SLC15A3: variants seen among roughly 807,000 people sequenced by gnomAD.
SLC15A3 encodes the protein solute carrier family 15 member 3, also known as osteoclast transporter.
SLC15A3 carries 39 observed loss-of-function variants against 49.2 expected under a neutral mutation model. That is an observed-to-expected ratio of 0.79 (90% CI 0.61 to 1.04). SLC15A3 has a LOEUF of 1.04. SLC15A3 is among the 50% of genes least tolerant of loss of function. The pLI is 0.00. For synonymous variants in SLC15A3, 339 were observed against 367.0 expected, an observed-to-expected ratio of 0.92 and a Z score of 0.87; for missense variants, 758 against 794.8, an observed-to-expected ratio of 0.95 and a Z score of 0.56.
Position 60,946,389 on chromosome 11 carries a change from C to G in SLC15A3, c.848+143G>C, listed in dbSNP as rs554872005. The G allele has an allele frequency of 1.4e-3, 1,343 of 938,064 alleles. 2 individuals carry two copies. Among genetic ancestry groups the G allele is most frequent in the Non-Finnish European group, 1.9e-3 (1,223 of 652,330 alleles). 58.1% of individuals were successfully genotyped at this position (938,064 alleles called of 1,614,324 possible). On this transcript the variant is annotated intron_variant, in intron 2 of 7. Transcript: ENST00000227880. ...CCATCCTCAGTCACAGCGGGCAGCT[C>G]TGGCCCACTGGAGAGCAGATCATCA...
At position 60,941,122 on chromosome 11, in the gene SLC15A3, C is replaced by G. The variant is rs1856701604; in HGVS notation, c.1276G>C (p.Gly426Arg). Reference sequence around the variant, plus strand: ...CCCTGCCCCACACCCCTCTGCACACCTGCCACAATGACGGAGGTAAAACCA... The same window carrying G: ...CCCTGCCCCACACCCCTCTGCACACGTGCCACAATGACGGAGGTAAAACCA... ...FFGFTSVIVA[G>R]VLEMERLHYI... The change falls in exon 5 of 8, where the codon GGA becomes CGA. Residue 426 changes from glycine (G) to arginine (R), a missense_variant and splice_region_variant. Around this residue, in one of 3 missense-constraint regions of SLC15A3, gnomAD observed 699 missense variants for 706.7 expected, o/e 0.99. Coordinates refer to ENST00000227880, the MANE Select transcript of SLC15A3 (RefSeq NM_016582.3). 6.2e-7 allele frequency: 1 copy of G among 1,612,408 alleles called. No individual in the cohort carries two copies. Among genetic ancestry groups the G allele is most frequent in the African/African-American group, 1.3e-5 (1 of 74,922 alleles).
In SLC15A3 at chr11:60,943,747, AG is replaced by A; in HGVS notation, c.937del (p.Leu313TrpfsTer2). ...CACCATGACGGGCAAGATCTTCACC[AG>A]CACCTGGAAGTTGGCGATGTCCTCT... The part of the protein sequence containing the change: ...PQEDIANFQV[L>X]VKILPVMVTL... On this transcript the variant is annotated frameshift_variant, in exon 3 of 8. Coordinates refer to ENST00000227880, the MANE Select transcript of SLC15A3 (RefSeq NM_016582.3). LOFTEE classifies it high-confidence loss of function. 6.2e-7 allele frequency: 1 copy of A among 1,605,900 alleles called. No individual in the cohort carries two copies. Among genetic ancestry groups the A allele is most frequent in the South Asian group, 1.1e-5 (1 of 89,510 alleles).
rs1321244529 is a variant in SLC15A3 at position 60,942,112 on chromosome 11, G to C, written c.1030C>G (p.Leu344Val). Reference protein sequence around the residue: ...QSTYVLQGLHLHIPNIFPANP... With the variant: ...QSTYVLQGLHVHIPNIFPANP... ...GCTGGGAAAATGTTTGGGATGTGGA[G>C]GTGAAGACCCTGCAGGACATAGGTG... The change falls in exon 4 of 8, where the codon CTC becomes GTC. Residue 344 changes from leucine (L) to valine (V), a missense_variant. Physicochemically the swap from Leu to Val is conservative, Grantham distance 32. Coordinates refer to ENST00000227880, the MANE Select transcript of SLC15A3 (RefSeq NM_016582.3). 6.2e-7 allele frequency: 1 copy of C among 1,614,112 alleles called. No homozygotes were observed. Among genetic ancestry groups the C allele is most frequent in the Non-Finnish European group, 8.5e-7 (1 of 1,179,982 alleles).
chr11:60,937,686 A>C, intron 7 of SLC15A3, 184 bp downstream of exon 7: 1 of 776,510 alleles, frequency 1.3e-6, no homozygotes, highest in Non-Finnish European at 2.0e-6. Flanking sequence ...ACACTTGGGG[A>C]AAGAAAGGCC....
At chr11:60,947,194 T>A (rs1335245076) in intron 1 of SLC15A3, among the ~76,000 whole-genome samples, 1 of 152,192 alleles carries the variant, frequency 6.6e-6, no homozygotes, top group Non-Finnish European at 1.5e-5. Context: ...TTATTTTTTT[T>A]TTTTTGAGAC....
At chr11:60,947,982 C>T (rs1028613663) in intron 1 of SLC15A3, among the ~76,000 whole-genome samples, 3 of 152,208 alleles carry the variant, frequency 2.0e-5, no homozygotes, top group Non-Finnish European at 4.4e-5. Flanking sequence ...AAATACTTCT[C>T]TACATTGCTA....
chr11:60,942,082 G>C lies in SLC15A3; in HGVS notation c.1060C>G (p.Pro354Ala), dbSNP rs538378649. The C allele has an allele frequency of 6.2e-7, 1 of 1,614,020 alleles. No homozygotes were observed. Among genetic ancestry groups the C allele is most frequent in the African/African-American group, 1.3e-5 (1 of 74,912 alleles). ...LHIPNIFPAN[P>A]ANISVALRAQ... Reference sequence around the variant, plus strand: ...CTCAGGGCCACAGAGATGTTGGCCGGGTTGGCTGGGAAAATGTTTGGGATG... The same window carrying C: ...CTCAGGGCCACAGAGATGTTGGCCGCGTTGGCTGGGAAAATGTTTGGGATG... The change falls in exon 4 of 8, where the codon CCG becomes GCG. Residue 354 changes from proline to alanine, a missense_variant. By Grantham distance (27) the Pro-to-Ala change is conservative. Around this residue, in one of 3 missense-constraint regions of SLC15A3, gnomAD observed 699 missense variants for 706.7 expected, o/e 0.99. Coordinates refer to ENST00000227880, the MANE Select transcript of SLC15A3 (RefSeq NM_016582.3).
chr11:60,944,841 A>G (rs1856778667), intron 2 of SLC15A3, among the ~76,000 whole-genome samples: 1 of 152,022 alleles, frequency 6.6e-6, no homozygotes, highest in South Asian at 2.1e-4. Flanking sequence ...TGCAGCCTTT[A>G]CCCTTTGCCC....
At chr11:60,949,496 GA>G (rs1236882065) in intron 1 of SLC15A3, among the ~76,000 whole-genome samples, 11 of 138,888 alleles carry the variant, frequency 7.9e-5, no homozygotes, top group Middle Eastern at 6.9e-3. Flanking sequence ...AAGAAAGAAA[GA>G]AAGAAGGAAA....
chr11:60,941,321 T>C (rs750358906), intron 4 of SLC15A3, 31 bp from the exon 5 acceptor site: 9 of 1,598,704 alleles, frequency 5.6e-6, no homozygotes. Flanking sequence ...AGAGGCAGGC[T>C]AGCAGAGTGC....
Position 60,943,787 on chromosome 11 carries a change from C to T in SLC15A3, c.898G>A (p.Gly300Arg), listed in dbSNP as rs753133337. 6.2e-7 allele frequency: 1 copy of T among 1,602,790 alleles called. No individual in the cohort carries two copies. The highest frequency in any genetic ancestry group is 8.5e-7 in the Non-Finnish European group (1 of 1,174,200). Residue 300 changes from glycine (G) to arginine (R), a missense_variant, in exon 3 of 8, where the codon GGG becomes AGG. By Grantham distance (125) the Gly-to-Arg change is moderately radical. Around this residue, in one of 3 missense-constraint regions of SLC15A3, gnomAD observed 699 missense variants for 706.7 expected, o/e 0.99. Coordinates refer to ENST00000227880, the MANE Select transcript of SLC15A3 (RefSeq NM_016582.3). ...VLADERSPQP[G>R]ASPQEDIANF... ...GCGATGTCCTCTTGCGGGGAAGCCC[C>T]TGGCTGGGGAGACCTCTCGTCGGCC...
Position 60,937,183 on chromosome 11 carries a change from G to C in SLC15A3, c.*36C>G. On this transcript the variant is annotated 3_prime_UTR_variant, in exon 8 of 8. Coordinates refer to ENST00000227880, the MANE Select transcript of SLC15A3 (RefSeq NM_016582.3). ...GAGCTGGGACTGCTGCCGTCTGTCC[G>C]GTAGAGTGAAGCAAGGGGGCTGGAA... 1 of 1,600,580 alleles carries C rather than the reference G, an allele frequency of 6.2e-7. No homozygotes were observed.
At chr11:60,944,943 G>A (rs1313772418) in intron 2 of SLC15A3, among the ~76,000 whole-genome samples, 1 of 152,208 alleles carries the variant, frequency 6.6e-6, no homozygotes, top group African/African-American at 2.4e-5. Flanking sequence ...TATTAGTGTA[G>A]TCATCTCCAA....
rs188953445 is a variant in SLC15A3 at position 60,938,372 on chromosome 11, G to A, written c.1436-347C>T. Among the ~76,000 whole-genome samples, 11 of 152,046 alleles carry A rather than the reference G, an allele frequency of 7.2e-5. No individual in the cohort carries two copies. The South Asian group carries it at 1.0e-3, about 14-fold the overall frequency. ...CTCTCTGCCCACCTTCAACGTCATC[G>A]TCAAATTGTTTTGATACAGCCTCTG... On this transcript the variant is annotated intron_variant, in intron 6 of 7. Transcript: ENST00000227880.
chr11:60,951,288 G>A lies in SLC15A3; in HGVS notation c.264C>T (p.Pro88=). ...ACACGTCGGCCAGCCAGCCGCCCACGGGCGCCAGCAGGTAGGAGGCGCCCA... is the reference window on the plus strand; with the variant it reads ...ACACGTCGGCCAGCCAGCCGCCCACAGGCGCCAGCAGGTAGGAGGCGCCCA... ...VFLGASYLLA[P]VGGWLADVYL... is the part of the protein sequence containing the mutation. Residue 88 remains proline (P), a synonymous_variant, in exon 1 of 8, where the codon CCC becomes CCT. Coordinates refer to ENST00000227880, the MANE Select transcript of SLC15A3 (RefSeq NM_016582.3). 1 of 1,520,012 alleles carries A rather than the reference G, an allele frequency of 6.6e-7. No homozygotes were observed. The highest frequency in any genetic ancestry group is 1.2e-5 in the South Asian group (1 of 81,260). 94.2% of individuals were successfully genotyped at this position (1,520,012 alleles called of 1,614,324 possible).
chr11:60,951,538 C>G lies in SLC15A3; in HGVS notation c.14G>C (p.Arg5Pro). 8.7e-7 allele frequency: 1 copy of G among 1,144,016 alleles called. No homozygotes were observed. The highest frequency in any genetic ancestry group is 1.1e-6 in the Non-Finnish European group (1 of 930,688). 70.9% of individuals were successfully genotyped at this position (1,144,016 alleles called of 1,614,324 possible). The stretch of plus-strand genomic sequence containing the variant: ...GGGCACGCGGGGCTGCTCCCGGGCG[C>G]GCGGCGCGGGCATCCTGGCTCCGGG... Reference protein sequence around the residue: MPAPRAREQPRVPGE... With the variant: MPAPPAREQPRVPGE... Residue 5 changes from arginine (R) to proline (P), a missense_variant, in exon 1 of 8, where the codon CGC (arginine) becomes CCC (proline). By Grantham distance (103) the Arg-to-Pro change is moderately radical (BLOSUM62 -2). Transcript: ENST00000227880.
At chr11:60,943,573 T>A (rs1856750694) in intron 3 of SLC15A3, 116 bp downstream of exon 3, 1 of 1,187,796 alleles carries the variant, frequency 8.4e-7, no homozygotes, top group East Asian at 3.1e-5. Context: ...GCACCTCACT[T>A]TATTCCCAGA....
chr11:60,943,076 G>T (rs1856741946), intron 3 of SLC15A3: 1 of 152,132 alleles, frequency 6.6e-6, no homozygotes, highest in African/African-American at 2.4e-5. Context: ...CATCTGAAAA[G>T]TTTCTTAAAC....
intron 2 of SLC15A3, among the ~76,000 whole-genome samples, chr11:60,944,100 A>G (rs1856766884): frequency 1.3e-5 from 2 of 152,216 alleles, no homozygotes; most frequent in South Asian, 2.1e-4. Context: ...CGGATGTTGC[A>G]GTGAGCCAAG....
Sources: gnomAD v4.1 joint callset for allele counts (sites outside exome capture counted in the v4.1 genomes callset) on GRCh38, gnomAD v4.1.1 for gene constraint, gnomAD v4.1.1 regional missense constraint, MANE v1.5 for transcripts, NCBI Gene and HGNC (gene_info 2026-07-23, HGNC 2026-07-21) for gene names.